SRSF11: variants seen among roughly 807,000 people sequenced by gnomAD.
SRSF11 encodes the protein serine/arginine-rich splicing factor 11.
In SRSF11, 9 loss-of-function variants were observed where a neutral mutation model predicts 56.0. The observed-to-expected ratio is 0.16, with a 90% CI of 0.10 to 0.28. SRSF11 has a LOEUF of 0.28. SRSF11 is among the 10% of genes least tolerant of loss of function. The pLI, the probability that SRSF11 is intolerant of heterozygous loss-of-function variation, is 1.00. For missense variants in SRSF11, 421 were observed against 600.7 expected, an observed-to-expected ratio of 0.70 and a Z score of 3.13; for synonymous variants, 222 against 215.3, an observed-to-expected ratio of 1.03 and a Z score of -0.27.
intron 7 of SRSF11, among the ~76,000 whole-genome samples, chr1:70,241,338 G>C (rs995375888): frequency 6.6e-6 from 1 of 152,022 alleles, no homozygotes; most frequent in South Asian, 2.1e-4. Context: ...TTTTCACTCT[G>C]TTTTTATCTT....
At chr1:70,242,010 C>T (rs1210655543) in intron 7 of SRSF11, among the ~76,000 whole-genome samples, 1 of 152,080 alleles carries the variant, frequency 6.6e-6, no homozygotes, top group Non-Finnish European at 1.5e-5. Flanking sequence ...CTCCTAAAAA[C>T]ACAAAAATCA....
intron 2 of SRSF11, 59 bp downstream of exon 2, chr1:70,228,614 G>A (rs1672312904): frequency 6.4e-7 from 1 of 1,550,568 alleles, no homozygotes; most frequent in South Asian, 1.3e-5. Context: ...TACCTCAGTA[G>A]ATGTAGAGTG....
At chr1:70,243,576 T>C (rs1034821413) in intron 7 of SRSF11, among the ~76,000 whole-genome samples, 1 of 152,138 alleles carries the variant, frequency 6.6e-6, no homozygotes, top group African/African-American at 2.4e-5. Context: ...ACCTGGCTTA[T>C]AAATGAGAGT....
At chr1:70,248,147 G>A (rs1316903114) in intron 9 of SRSF11, among the ~76,000 whole-genome samples, 2 of 151,968 alleles carry the variant, frequency 1.3e-5, no homozygotes, top group Non-Finnish European at 2.9e-5. Flanking sequence ...TAAACATAGA[G>A]GTTTTTGACC....
chr1:70,251,608 A>AG lies in SRSF11; in HGVS notation c.*805dup, dbSNP rs1677959834. 1 of 152,502 alleles carries AG rather than the reference A, an allele frequency of 6.6e-6. No homozygotes were observed. Among genetic ancestry groups the AG allele is most frequent in the Admixed American group, 6.5e-5 (1 of 15,274 alleles). 9.4% of individuals were successfully genotyped at this position (152,502 alleles called of 1,614,324 possible). A position where few individuals can be genotyped will look rare whatever the true frequency, so the allele number is the denominator to read the frequency against. ...TCTACCTATCCTGAGTCTATCTTAAAGGAAAAAAAGAAAAAAACCTTATCT... is the reference window on the plus strand; with the variant it reads ...TCTACCTATCCTGAGTCTATCTTAAAGGGAAAAAAAGAAAAAAACCTTATCT... On this transcript the variant is annotated 3_prime_UTR_variant, in exon 12 of 12. Coordinates refer to ENST00000370949, the MANE Select transcript of SRSF11 (RefSeq NM_001350605.2).
chr1:70,247,732 T>A (rs935640551), intron 9 of SRSF11, among the ~76,000 whole-genome samples: 4 of 152,082 alleles, frequency 2.6e-5, no homozygotes, highest in Admixed American at 6.6e-5. Context: ...ACATTTGTAT[T>A]TCAAAGGATA....
chr1:70,248,078 G>T (rs1270240241), intron 9 of SRSF11, among the ~76,000 whole-genome samples: 2 of 152,096 alleles, frequency 1.3e-5, no homozygotes, highest in African/African-American at 2.4e-5. Context: ...TGCATTGCTA[G>T]TATGAATATA....
chr1:70,213,913 G>C (rs1372898910), intron 1 of SRSF11, among the ~76,000 whole-genome samples: 3 of 152,068 alleles, frequency 2.0e-5, no homozygotes, highest in African/African-American at 7.2e-5. Flanking sequence ...AGGATTGAAG[G>C]TCGTTTTAAA....
At chr1:70,245,672 C>T (rs896348393) in intron 8 of SRSF11, among the ~76,000 whole-genome samples, 27 of 152,086 alleles carry the variant, frequency 1.8e-4, no homozygotes, top group Non-Finnish European at 4.0e-4. Context: ...CTAGACTCAA[C>T]GGGAGGCATG....
At chr1:70,220,007 A>G (rs1284869329), upstream of SRSF11, among the ~76,000 whole-genome samples, 1 of 152,208 alleles carries the variant, frequency 6.6e-6, no homozygotes, top group African/African-American at 2.4e-5. Context: ...AGGTCAAGTG[A>G]ATTATTTAGT....
intron 3 of SRSF11, among the ~76,000 whole-genome samples, chr1:70,233,274 T>C (rs946778522): frequency 6.6e-6 from 1 of 152,152 alleles, no homozygotes; most frequent in African/African-American, 2.4e-5. Flanking sequence ...GGACAGAGTC[T>C]CGCCCTGTCA....
In SRSF11 at chr1:70,245,507, C is replaced by T. The variant is rs538777224; in HGVS notation, c.932+692C>T. ...AAGGTAGATTAATAGAACAGTTATA[C>T]AAAGGAATTAAGCATTTCTTTAAGG... is the stretch of plus-strand genomic sequence containing the variant. On this transcript the variant is annotated intron_variant, in intron 8 of 11. Transcript: ENST00000370949. Among the ~76,000 whole-genome samples the T allele has an allele frequency of 2.0e-5, 3 of 152,240 alleles. No homozygotes were observed. In the East Asian group the frequency reaches 5.8e-4, roughly 29 times the overall value.
chr1:70,250,897 A>T lies in SRSF11; in HGVS notation c.*92A>T, dbSNP rs1196759866. ...TGCTGTATTTGTTCATCTCAAACCT[A>T]GATGTATACAGCTCTGAGTTATAAA... On this transcript the variant is annotated 3_prime_UTR_variant, in exon 12 of 12. Coordinates refer to ENST00000370949, the MANE Select transcript of SRSF11 (RefSeq NM_001350605.2). 9.3e-7 allele frequency: 1 copy of T among 1,078,620 alleles called. No individual in the cohort carries two copies. Among genetic ancestry groups the T allele is most frequent in the African/African-American group, 1.6e-5 (1 of 63,616 alleles). 66.8% of individuals were successfully genotyped at this position (1,078,620 alleles called of 1,614,324 possible).
chr1:70,245,420 A>G (rs1263329580), intron 8 of SRSF11, among the ~76,000 whole-genome samples: 1 of 152,240 alleles, frequency 6.6e-6, no homozygotes, highest in Non-Finnish European at 1.5e-5. Context: ...TAGCTTTACT[A>G]TCATTGTTAA....
In SRSF11 at chr1:70,251,116, T is replaced by G. The variant is rs1439284838; in HGVS notation, c.*311T>G. 1 of 250,134 alleles carries G rather than the reference T, an allele frequency of 4.0e-6. No homozygotes were observed. The highest frequency in any genetic ancestry group is 4.9e-5 in the Admixed American group (1 of 20,442). 15.5% of individuals were successfully genotyped at this position (250,134 alleles called of 1,614,324 possible). ...GCAGGCATGGATTGTTTATGTCGTA[T>G]GATATCCTTTATTAAGTAAGTTCAC... On this transcript the variant is annotated 3_prime_UTR_variant, in exon 12 of 12. Coordinates refer to ENST00000370949, the MANE Select transcript of SRSF11 (RefSeq NM_001350605.2).
rs1299945526 is a variant in SRSF11 at position 70,238,128 on chromosome 1, C to A, written c.718+576C>A. 4.6e-5 allele frequency among the ~76,000 whole-genome samples: 7 copies of A among 152,072 alleles called. No homozygotes were observed. The East Asian group carries it at 1.4e-3, about 29-fold the overall frequency. ...TAAATGGGAATGTTTTTTAATGTGC[C>A]TATTGTTAGGAAAATAATTTTAAAG... is the stretch of plus-strand genomic sequence containing the variant. On this transcript the variant is annotated intron_variant, in intron 6 of 11. Transcript: ENST00000370949.
chr1:70,221,163 T>TA (rs143211323), upstream of SRSF11: 2,030 of 155,052 alleles, frequency 0.013, 32 homozygotes, highest in African/African-American at 0.035. Flanking sequence ...ATGCTTTTTT[T>TA]AAAAAAAAAG....
chr1:70,249,794 A>C, intron 9 of SRSF11, 158 bp from the exon 10 acceptor site: 1 of 676,996 alleles, frequency 1.5e-6, no homozygotes, highest in Non-Finnish European at 2.5e-6. Flanking sequence ...TCCTGGGCTC[A>C]AGCAATCCCC....
chr1:70,249,786 C>G, intron 9 of SRSF11, 166 bp from the exon 10 acceptor site: 1 of 639,382 alleles, frequency 1.6e-6, no homozygotes, highest in Non-Finnish European at 2.7e-6. Context: ...TCTGGAACTC[C>G]TGGGCTCAAG....
Sources: gnomAD v4.1 joint callset for allele counts (sites outside exome capture counted in the v4.1 genomes callset) on GRCh38, gnomAD v4.1.1 for gene constraint, MANE v1.5 for transcripts, NCBI Gene and HGNC (gene_info 2026-07-23, HGNC 2026-07-21) for gene names.